The following ADAM12 variants were observed in gnomAD, a reference collection of about 807,000 sequenced individuals.
ADAM12 encodes ADAM metallopeptidase domain 12, also known as disintegrin and metalloproteinase domain-containing protein 12.
ADAM12 carries 70 observed loss-of-function variants against 106.4 expected under a neutral mutation model. The observed-to-expected ratio is 0.66, with a 90% CI of 0.54 to 0.80. The LOEUF is 0.80. Ranked by LOEUF, ADAM12 falls within the 30% of genes least tolerant of loss-of-function variation. The pLI is 0.00. For missense variants in ADAM12, 1,010 were observed against 1,171.9 expected, an observed-to-expected ratio of 0.86 and a Z score of 2.02; for synonymous variants, 420 against 433.5, an observed-to-expected ratio of 0.97 and a Z score of 0.39.
intron 1 of ADAM12, among the ~76,000 whole-genome samples, chr10:126,340,321 C>T (rs575836520): frequency 2.6e-5 from 4 of 152,314 alleles, no homozygotes; most frequent in African/African-American, 4.8e-5. Context: ...TTGATTACAA[C>T]GAATGCTAAT....
chr10:126,151,808 C>T (rs974501044), intron 4 of ADAM12, among the ~76,000 whole-genome samples: 1 of 151,834 alleles, frequency 6.6e-6, no homozygotes, highest in African/African-American at 2.4e-5. Context: ...AATAATTTTA[C>T]ATTTCTAAGA....
At chr10:126,311,924 G>A (rs1274853525) in intron 2 of ADAM12, among the ~76,000 whole-genome samples, 4 of 152,086 alleles carry the variant, frequency 2.6e-5, no homozygotes, top group Admixed American at 6.6e-5. Flanking sequence ...TGACAAGGGG[G>A]TCATGGGACC....
Position 126,043,172 on chromosome 10 carries a change from G to A in ADAM12, c.1996-24C>T, listed in dbSNP as rs752939991. The A allele has an allele frequency of 3.4e-5, 54 of 1,607,074 alleles. No homozygotes were observed. Among genetic ancestry groups the A allele is most frequent in the South Asian group, 1.5e-4 (14 of 90,446 alleles). On this transcript the variant is annotated intron_variant, in intron 17 of 22. Coordinates refer to ENST00000448723, the MANE Select transcript of ADAM12 (RefSeq NM_001288973.2). This position sits in a 1 kb window ranked among gnomAD's most constrained non-coding sequence, Gnocchi z 4.1. ...ACCTTTCAGGGCAGAGGGGAGGGAC[G>A]TGGGGTTAGGGCATATGCTCTGTGC...
chr10:126,320,769 C>G (rs921528074), intron 2 of ADAM12, among the ~76,000 whole-genome samples: 6 of 152,092 alleles, frequency 3.9e-5, no homozygotes, highest in African/African-American at 1.4e-4. Flanking sequence ...TGACCTCAAT[C>G]CCCAGAATGT....
At chr10:126,091,732 A>G (rs1057301507) in intron 11 of ADAM12, among the ~76,000 whole-genome samples, 16 of 152,204 alleles carry the variant, frequency 1.1e-4, no homozygotes, top group African/African-American at 2.7e-4. Context: ...AGACTTTCCA[A>G]TTGGAAAGGA....
At chr10:126,065,564 C>T (rs1339007493) in intron 13 of ADAM12, among the ~76,000 whole-genome samples, 2 of 152,116 alleles carry the variant, frequency 1.3e-5, no homozygotes. Context: ...ATGTTAGAAG[C>T]CATCTGACCA....
At chr10:126,119,038 A>C (rs754410276) in intron 5 of ADAM12, among the ~76,000 whole-genome samples, 4 of 152,216 alleles carry the variant, frequency 2.6e-5, no homozygotes, top group African/African-American at 9.6e-5. Context: ...CCATGAGTAC[A>C]AATTTATATT....
chr10:126,388,364 G>T lies in ADAM12; in HGVS notation c.-219C>A. Reference sequence around the variant, plus strand: ...CCCGTGTGTGTGCGTGCGTGCGCGCGCGCGCGCCGTTCTGGCACAAGCCAG... The same window carrying T: ...CCCGTGTGTGTGCGTGCGTGCGCGCTCGCGCGCCGTTCTGGCACAAGCCAG... On this transcript the variant is annotated 5_prime_UTR_variant, in exon 1 of 23. Coordinates refer to ENST00000448723, the MANE Select transcript of ADAM12 (RefSeq NM_001288973.2). The surrounding 1 kb of genome is among the most constrained non-coding windows in gnomAD (Gnocchi z 4.4). 1.7e-6 allele frequency: 1 copy of T among 584,134 alleles called. No individual in the cohort carries two copies. The highest frequency in any genetic ancestry group is 2.4e-6 in the Non-Finnish European group (1 of 416,474). The allele number at this position is 584,134 out of a possible 1,614,324, so 36.2% of individuals were successfully genotyped here.
At chr10:126,267,198 A>G (rs1223872019) in intron 3 of ADAM12, among the ~76,000 whole-genome samples, 2 of 152,110 alleles carry the variant, frequency 1.3e-5, no homozygotes, top group African/African-American at 2.4e-5. Flanking sequence ...CTGTTGAATC[A>G]CAGTTACACC....
At chr10:126,092,883 A>G (rs1394057852) in intron 11 of ADAM12, among the ~76,000 whole-genome samples, 2 of 152,216 alleles carry the variant, frequency 1.3e-5, no homozygotes, top group East Asian at 1.9e-4. Flanking sequence ...ATGCCCTACA[A>G]ACTATTTCCC....
intron 1 of ADAM12, among the ~76,000 whole-genome samples, chr10:126,367,907 G>A (rs1013047510): frequency 1.3e-5 from 2 of 151,860 alleles, no homozygotes; most frequent in African/African-American, 4.8e-5. Flanking sequence ...TACAGAAAGT[G>A]AGAAAACCTT....
chr10:126,102,390 G>C (rs1955684905), intron 8 of ADAM12, among the ~76,000 whole-genome samples: 1 of 152,214 alleles, frequency 6.6e-6, no homozygotes, highest in East Asian at 1.9e-4. Context: ...GATGAAAGCA[G>C]GTCCTATTCT....
intron 11 of ADAM12, among the ~76,000 whole-genome samples, chr10:126,078,713 T>C (rs1216111842): frequency 6.6e-6 from 1 of 152,180 alleles, no homozygotes; most frequent in Non-Finnish European, 1.5e-5. Flanking sequence ...TTATACTTTT[T>C]TTTGAATTTA....
At position 126,094,098 on chromosome 10, in the gene ADAM12, G is replaced by C. The variant is rs1308593405; in HGVS notation, c.1032C>G (p.Thr344=). Residue 344 remains threonine, a synonymous_variant, in exon 11 of 23, where the codon ACC becomes ACG. Coordinates refer to ENST00000448723, the MANE Select transcript of ADAM12 (RefSeq NM_001288973.2). ...AATTGTGGCCCAGCTCATGTGCCAG[G>C]GTCACGGCTGCACCAAGGGGATTGT... ...HSDNPLGAAV[T]LAHELGHNFG... The C allele has an allele frequency of 6.2e-7, 1 of 1,614,106 alleles. No homozygotes were observed. Among genetic ancestry groups the C allele is most frequent in the South Asian group, 1.1e-5 (1 of 91,068 alleles).
intron 3 of ADAM12, among the ~76,000 whole-genome samples, chr10:126,212,974 T>C (rs1957927899): frequency 1.3e-5 from 2 of 151,630 alleles, no homozygotes; most frequent in Admixed American, 6.6e-5. Context: ...AATTTGGTGG[T>C]TTTTACTACA....
At chr10:126,120,775 C>T (rs530624523) in intron 5 of ADAM12, among the ~76,000 whole-genome samples, 46 of 150,608 alleles carry the variant, frequency 3.1e-4, no homozygotes, top group Non-Finnish European at 5.9e-4. Context: ...CCCCAACATA[C>T]ATAACCACAA....
intron 3 of ADAM12, among the ~76,000 whole-genome samples, chr10:126,251,048 G>T (rs1958735631): frequency 2.6e-5 from 4 of 152,260 alleles, no homozygotes; most frequent in Admixed American, 1.3e-4. Flanking sequence ...TTTCTTCTGG[G>T]AATAGAAACT....
At chr10:126,351,877 C>G (rs578182896) in intron 1 of ADAM12, among the ~76,000 whole-genome samples, 1 of 152,132 alleles carries the variant, frequency 6.6e-6, no homozygotes, top group Admixed American at 6.5e-5. Flanking sequence ...CTCATCTGGC[C>G]TTTGGACACA....
At chr10:126,357,740 AACTC>A (rs1472007330) in intron 1 of ADAM12, among the ~76,000 whole-genome samples, 1 of 152,142 alleles carries the variant, frequency 6.6e-6, no homozygotes, top group Non-Finnish European at 1.5e-5. Flanking sequence ...GATCTGTGAG[AACTC>A]ACTCACTATC....
Sources: allele counts gnomAD v4.1 joint callset (sites outside exome capture counted in the v4.1 genomes callset), GRCh38; gene constraint gnomAD v4.1.1; non-coding constraint Gnocchi (gnomAD v3.1); transcripts MANE v1.5; gene names NCBI Gene and HGNC (gene_info 2026-07-23, HGNC 2026-07-21).